The following RTTN variants were observed in gnomAD, a reference collection of about 807,000 sequenced individuals.
RTTN encodes rotatin.
RTTN carries 182 observed loss-of-function variants against 269.2 expected under a neutral mutation model. The observed-to-expected ratio is 0.68, with a 90% CI of 0.60 to 0.76. RTTN has a LOEUF of 0.76. RTTN is among the 30% of genes least tolerant of loss of function. The probability of loss-of-function intolerance (pLI) is 0.00; values close to 1 mark genes in which losing one functional copy is unlikely to be tolerated. For synonymous variants in RTTN, 1,006 were observed against 963.5 expected (o/e 1.04, Z -0.82); for missense variants, 2,545 against 2,608.6 (o/e 0.98, Z 0.53).
chr18:70,167,056 A>G, intron 12 of RTTN, 25 bp from the exon 13 acceptor site: 5 of 1,465,590 alleles, frequency 3.4e-6, no homozygotes, highest in South Asian at 1.1e-5. Flanking sequence ...GAATGGAACA[A>G]TAAATGTCAA....
chr18:70,004,004 CA>C lies in RTTN; in HGVS notation c.*146del. 5.2e-6 allele frequency: 3 copies of C among 581,452 alleles called. No individual in the cohort carries two copies. The highest frequency in any genetic ancestry group is 9.2e-6 in the Non-Finnish European group (3 of 326,826). The allele number at this position is 581,452 out of a possible 1,614,324, so 36.0% of individuals were successfully genotyped here. On this transcript the variant is annotated 3_prime_UTR_variant, in exon 49 of 49. Coordinates refer to ENST00000640769, the MANE Select transcript of RTTN (RefSeq NM_173630.4). The stretch of plus-strand genomic sequence containing the variant: ...CAACTGGACGGTGTTGGAGTATCAC[CA>C]GTTCTCTCTCTCATGGGAAAGAAGG...
chr18:70,075,428 ATGC>A lies in RTTN; in HGVS notation c.4485_4487del (p.Lys1495_His1496delinsAsn). ...CAAACATACACCGTCCTAGGTAACAATGCTTTACCATCTGATTCAAATGTTCAT... is the reference window on the plus strand; with the variant it reads ...CAAACATACACCGTCCTAGGTAACAATTTACCATCTGATTCAAATGTTCAT... On this transcript the variant is annotated inframe_deletion, in exon 33 of 49. Transcript: ENST00000640769. The A allele has an allele frequency of 6.2e-7, 1 of 1,608,424 alleles. No individual in the cohort carries two copies. Among genetic ancestry groups the A allele is most frequent in the Non-Finnish European group, 8.5e-7 (1 of 1,177,634 alleles).
chr18:70,032,393 C>T (rs2057042024), intron 40 of RTTN, among the ~76,000 whole-genome samples: 1 of 152,200 alleles, frequency 6.6e-6, no homozygotes, highest in Non-Finnish European at 1.5e-5. Flanking sequence ...AGCATTCTTC[C>T]CCCACTGCAG....
chr18:70,053,073 A>T (rs1217453032), intron 38 of RTTN, among the ~76,000 whole-genome samples: 1 of 152,194 alleles, frequency 6.6e-6, no homozygotes, highest in Non-Finnish European at 1.5e-5. Context: ...TTGGGATCAA[A>T]CAATCAACCA....
At chr18:70,036,764 C>A (rs1219570126) in intron 40 of RTTN, among the ~76,000 whole-genome samples, 1 of 152,152 alleles carries the variant, frequency 6.6e-6, no homozygotes, top group African/African-American at 2.4e-5. Flanking sequence ...CTGTCCTCCC[C>A]CAACAGGAAC....
Position 70,196,658 on chromosome 18 carries a change from AG to A in RTTN, c.694-11del, listed in dbSNP as rs749473111. The A allele has an allele frequency of 4.4e-6, 7 of 1,605,928 alleles. No individual in the cohort carries two copies. Among genetic ancestry groups the A allele is most frequent in the Non-Finnish European group, 5.9e-6 (7 of 1,178,010 alleles). The stretch of plus-strand genomic sequence containing the variant: ...ACAGAGATAAAAGGCTCTGAAATCA[AG>A]AAGAGCCGTGAAAATTACTAAGGGA... On this transcript the variant is annotated splice_polypyrimidine_tract_variant and intron_variant, in intron 6 of 48. Transcript: ENST00000640769.
At chr18:70,167,105 G>T in intron 12 of RTTN, 74 bp from the exon 13 acceptor site, 1 of 944,764 alleles carries the variant, frequency 1.1e-6, no homozygotes. Flanking sequence ...TAACTAAGCA[G>T]CTTCAAGAAA....
chr18:70,114,304 G>A (rs767375594), intron 27 of RTTN, 141 bp downstream of exon 27: 96 of 852,130 alleles, frequency 1.1e-4, no homozygotes, highest in Middle Eastern at 6.7e-4. Flanking sequence ...AAAACAAACA[G>A]AACACTATAA....
intron 28 of RTTN, 56 bp downstream of exon 28, chr18:70,109,442 G>T: frequency 7.6e-7 from 1 of 1,323,372 alleles, no homozygotes; most frequent in Non-Finnish European, 1.1e-6. Context: ...CTTGTGGCCT[G>T]GCATAAAGTA....
chr18:70,076,355 G>A (rs1333872602), intron 32 of RTTN, among the ~76,000 whole-genome samples: 1 of 151,886 alleles, frequency 6.6e-6, no homozygotes, highest in South Asian at 2.1e-4. Context: ...AGAAATCTAA[G>A]AGCCAACAGG....
At chr18:70,099,053 T>C (rs1179074911) in intron 28 of RTTN, among the ~76,000 whole-genome samples, 1 of 152,200 alleles carries the variant, frequency 6.6e-6, no homozygotes, top group African/African-American at 2.4e-5. Flanking sequence ...TGATGGACAT[T>C]TGGGCTAGTT....
chr18:70,105,560 C>T (rs745683092), intron 28 of RTTN, among the ~76,000 whole-genome samples: 5 of 152,190 alleles, frequency 3.3e-5, no homozygotes, highest in African/African-American at 4.8e-5. Context: ...AAAAATCACC[C>T]GTCTTCTGCG....
chr18:70,083,819 G>A, intron 32 of RTTN, among the ~76,000 whole-genome samples: 1 of 151,848 alleles, frequency 6.6e-6, no homozygotes. Context: ...TGTGCCTGGG[G>A]TCCCAGCTAC....
At chr18:70,036,195 T>G (rs960865704) in intron 40 of RTTN, among the ~76,000 whole-genome samples, 10 of 152,146 alleles carry the variant, frequency 6.6e-5, no homozygotes, top group Admixed American at 3.9e-4. Flanking sequence ...CATTACAGGG[T>G]ATACACCCAA....
intron 32 of RTTN, among the ~76,000 whole-genome samples, chr18:70,085,100 G>A (rs901396696): frequency 1.3e-5 from 2 of 152,102 alleles, no homozygotes; most frequent in Non-Finnish European, 2.9e-5. Flanking sequence ...GTTTAACAAT[G>A]GGAGTAGAGA....
chr18:70,198,959 G>A (rs2061881837), intron 5 of RTTN, among the ~76,000 whole-genome samples: 1 of 152,116 alleles, frequency 6.6e-6, no homozygotes, highest in Non-Finnish European at 1.5e-5. Flanking sequence ...GGCCAAGAGG[G>A]GCGGATCACT....
chr18:70,065,508 CAA>C (rs1012477317), intron 35 of RTTN, among the ~76,000 whole-genome samples: 1 of 152,010 alleles, frequency 6.6e-6, no homozygotes, highest in African/African-American at 2.4e-5. Context: ...TTACTTGTAG[CAA>C]AGTGTTTTCT....
chr18:70,059,049 C>G (rs558838561), intron 36 of RTTN, among the ~76,000 whole-genome samples: 33 of 152,256 alleles, frequency 2.2e-4, no homozygotes, highest in African/African-American at 7.9e-4. Context: ...TGCAAATAAA[C>G]ATGTGGTCAA....
chr18:70,070,332 G>A (rs990821506), intron 34 of RTTN, among the ~76,000 whole-genome samples: 1 of 152,232 alleles, frequency 6.6e-6, no homozygotes, highest in South Asian at 2.1e-4. Flanking sequence ...TTTAAACAGA[G>A]TATAACATTT....
Sources: gnomAD v4.1 joint callset for allele counts (sites outside exome capture counted in the v4.1 genomes callset) on GRCh38, gnomAD v4.1.1 for gene constraint, MANE v1.5 for transcripts, NCBI Gene and HGNC (gene_info 2026-07-23, HGNC 2026-07-21) for gene names.